NRXN1: variants seen among roughly 807,000 people sequenced by gnomAD.
NRXN1 encodes the protein neurexin-1.
A neutral mutation model predicts 150.9 loss-of-function variants in NRXN1; 39 were observed. That is an observed-to-expected ratio of 0.26 (90% confidence interval 0.20 to 0.34). NRXN1 has a LOEUF of 0.34. Ranked by LOEUF, NRXN1 falls within the 10% of genes least tolerant of loss-of-function variation. The probability of loss-of-function intolerance (pLI) is 1.00; values close to 1 mark genes in which losing one functional copy is unlikely to be tolerated. For synonymous variants in NRXN1, 924 were observed against 757.0 expected, an observed-to-expected ratio of 1.22 and a Z score of -3.62; for missense variants, 1,815 against 1,949.9, an observed-to-expected ratio of 0.93 and a Z score of 1.30.
chr2:50,506,607 G>A lies in NRXN1; in HGVS notation c.2385C>T (p.Pro795=), dbSNP rs147984237. The A allele has an allele frequency of 1.2e-5, 20 of 1,613,036 alleles. No individual in the cohort carries two copies. In the Admixed American group the frequency reaches 1.5e-4, roughly 12 times the overall value. The change falls in exon 13 of 23, where the codon CCC becomes CCT. Residue 795 remains proline, a synonymous_variant. Coordinates refer to ENST00000401669, the MANE Select transcript of NRXN1 (RefSeq NM_001330078.2). ...IRINCNSSKG[P]ETLFAGYNLN... is the part of the protein sequence containing the mutation. The stretch of plus-strand genomic sequence containing the variant: ...GGTTATAGCCAGCAAAAAGAGTCTC[G>A]GGACCTTTGCCTGTAGAATATGCCA...
intron 15 of NRXN1, among the ~76,000 whole-genome samples, chr2:50,477,739 G>A (rs751195514): frequency 6.6e-6 from 1 of 152,076 alleles, no homozygotes; most frequent in Non-Finnish European, 1.5e-5. Flanking sequence ...AAAACTCCAG[G>A]AAATATGAAG....
At chr2:50,830,447 T>C (rs1356905206) in intron 5 of NRXN1, among the ~76,000 whole-genome samples, 2 of 151,854 alleles carry the variant, frequency 1.3e-5, no homozygotes, top group Non-Finnish European at 2.9e-5. Flanking sequence ...ACTAAGCTAA[T>C]TTAAAAGCAC....
At chr2:50,272,697 A>G (rs1042339248) in intron 17 of NRXN1, among the ~76,000 whole-genome samples, 8 of 152,168 alleles carry the variant, frequency 5.3e-5, no homozygotes, top group Non-Finnish European at 1.0e-4. Context: ...ATAGAGGCTC[A>G]ATAGATACAG....
intron 18 of NRXN1, among the ~76,000 whole-genome samples, chr2:50,222,141 C>A (rs1295087493): frequency 6.6e-6 from 1 of 151,908 alleles, no homozygotes; most frequent in Non-Finnish European, 1.5e-5. Context: ...CTCTTGCCTG[C>A]CTGGCTTTTC....
intron 21 of NRXN1, among the ~76,000 whole-genome samples, chr2:49,952,862 CA>C (rs1275246745): frequency 1.3e-5 from 2 of 152,104 alleles, no homozygotes; most frequent in African/African-American, 4.8e-5. Flanking sequence ...AGAGTTCTGT[CA>C]GATTATTTCT....
chr2:50,907,445 CTG>C (rs1683878014), intron 5 of NRXN1, among the ~76,000 whole-genome samples: 1 of 152,072 alleles, frequency 6.6e-6, no homozygotes. Context: ...GCAGTGTTGG[CTG>C]TGACCTTTAC....
intron 1 of NRXN1, among the ~76,000 whole-genome samples, 156 bp from the exon 2 acceptor site, chr2:51,029,350 G>C (rs1671117996): frequency 6.6e-6 from 1 of 152,178 alleles, no homozygotes; most frequent in African/African-American, 2.4e-5. Flanking sequence ...CTACAAGTAA[G>C]TCCTAACATT....
chr2:50,270,822 C>T (rs2069513005), intron 17 of NRXN1, among the ~76,000 whole-genome samples: 1 of 151,990 alleles, frequency 6.6e-6, no homozygotes, highest in Non-Finnish European at 1.5e-5. Context: ...CCACACCTGG[C>T]TAATTGTTGT....
At position 50,353,689 on chromosome 2, in the gene NRXN1, T is replaced by C. The variant is rs535254957; in HGVS notation, c.3364+111753A>G. 2.6e-5 allele frequency among the ~76,000 whole-genome samples: 4 copies of C among 152,296 alleles called. No homozygotes were observed. In the South Asian group the frequency reaches 8.3e-4, roughly 32 times the overall value. On this transcript the variant is annotated intron_variant, in intron 17 of 22. Transcript: ENST00000401669. ...ATTTATTCTTTATTCATAGGTACTTTATGCCAAAGACATAAAGATAATGAG... is the reference window on the plus strand; with the variant it reads ...ATTTATTCTTTATTCATAGGTACTTCATGCCAAAGACATAAAGATAATGAG...
At chr2:50,632,789 C>T (rs1201550486) in intron 5 of NRXN1, 1 of 151,950 alleles carries the variant, frequency 6.6e-6, no homozygotes, top group Non-Finnish European at 1.5e-5. Context: ...TGCATCTTTT[C>T]ATTGGAAATA....
intron 2 of NRXN1, among the ~76,000 whole-genome samples, chr2:50,978,486 G>A (rs1696274828): frequency 6.6e-6 from 1 of 151,096 alleles, no homozygotes; most frequent in Non-Finnish European, 1.5e-5. Flanking sequence ...CCATAATTCA[G>A]TTAAAAATCT....
intron 10 of NRXN1, among the ~76,000 whole-genome samples, chr2:50,534,099 GCA>G (rs10544475): frequency 0.13 from 18,958 of 146,802 alleles, 1,758 homozygotes; most frequent in African/African-American, 0.28. Flanking sequence ...ATCAATAATT[GCA>G]CACACACACA....
At chr2:50,957,867 G>A (rs1302179868) in intron 2 of NRXN1, among the ~76,000 whole-genome samples, 1 of 151,886 alleles carries the variant, frequency 6.6e-6, no homozygotes, top group Non-Finnish European at 1.5e-5. Context: ...AGAAGTCTTG[G>A]TGGCTTATAA....
chr2:50,433,851 C>T (rs891045970), intron 17 of NRXN1, among the ~76,000 whole-genome samples: 1 of 151,914 alleles, frequency 6.6e-6, no homozygotes, highest in African/African-American at 2.4e-5. Context: ...GAGACAACTT[C>T]AGAAATAAAA....
intron 17 of NRXN1, 100 bp from the exon 18 acceptor site, chr2:50,237,070 C>T (rs1387094331): frequency 8.7e-7 from 1 of 1,145,618 alleles, no homozygotes; most frequent in Non-Finnish European, 1.3e-6. Context: ...CAACTCTACA[C>T]ACAAAACTAT....
At position 50,293,564 on chromosome 2, in the gene NRXN1, C is replaced by T. The variant is rs530383325; in HGVS notation, c.3365-56594G>A. On this transcript the variant is annotated intron_variant, in intron 17 of 22. Transcript: ENST00000401669. ...GTAGATCCCTGTCTCCCCTGTTTTC[C>T]CACAGCAGGGCTACCTTTACATGGA... is the stretch of plus-strand genomic sequence containing the variant. Among the ~76,000 whole-genome samples, 6 of 152,198 alleles carry T rather than the reference C, an allele frequency of 3.9e-5. No homozygotes were observed. In the South Asian group the frequency reaches 1.2e-3, roughly 32 times the overall value.
intron 17 of NRXN1, among the ~76,000 whole-genome samples, chr2:50,298,289 T>C (rs1439351696): frequency 1.3e-5 from 2 of 152,138 alleles, no homozygotes; most frequent in African/African-American, 4.8e-5. Flanking sequence ...ACAAATTGAA[T>C]AGAAATATGA....
intron 21 of NRXN1, among the ~76,000 whole-genome samples, chr2:50,031,259 C>G (rs1380531601): frequency 6.6e-6 from 1 of 152,006 alleles, no homozygotes; most frequent in African/African-American, 2.4e-5. Flanking sequence ...TTTGCTCAAA[C>G]TCAGATTATG....
At chr2:50,930,710 G>A (rs147980726) in intron 2 of NRXN1, among the ~76,000 whole-genome samples, 3 of 152,186 alleles carry the variant, frequency 2.0e-5, no homozygotes, top group Non-Finnish European at 4.4e-5. Flanking sequence ...CTGTAAACAT[G>A]GTGACAAGCA....
Sources: gnomAD v4.1 joint callset for allele counts (sites outside exome capture counted in the v4.1 genomes callset) on GRCh38, gnomAD v4.1.1 for gene constraint, MANE v1.5 for transcripts, NCBI Gene and HGNC (gene_info 2026-07-23, HGNC 2026-07-21) for gene names.